The following POLE2 variants were observed in gnomAD, a reference collection of about 807,000 sequenced individuals.
The protein encoded by POLE2 is DNA polymerase epsilon subunit 2.
A neutral mutation model predicts 79.4 loss-of-function variants in POLE2; 56 were observed. That is an observed-to-expected ratio of 0.71 (90% CI 0.57 to 0.88). The LOEUF (loss-of-function observed/expected upper bound fraction) is 0.88, where lower values mean the gene tolerates loss of function less well. POLE2 is among the 40% of genes least tolerant of loss of function. The pLI, the probability that POLE2 is intolerant of heterozygous loss-of-function variation, is 0.00. For missense variants in POLE2, 598 were observed against 638.9 expected, an observed-to-expected ratio of 0.94 and a Z score of 0.69; for synonymous variants, 212 against 214.0, an observed-to-expected ratio of 0.99 and a Z score of 0.08.
chr14:49,670,243 G>A (rs1281774635), intron 5 of POLE2, among the ~76,000 whole-genome samples: 1 of 148,532 alleles, frequency 6.7e-6, no homozygotes, highest in Non-Finnish European at 1.5e-5. Context: ...TTGAATCCAG[G>A]AGGCAGAGGT....
intron 10 of POLE2, among the ~76,000 whole-genome samples, chr14:49,663,006 C>A (rs573902426): frequency 1.3e-5 from 2 of 152,296 alleles, no homozygotes; most frequent in South Asian, 4.1e-4. Context: ...GAATTATATT[C>A]TTCTAAGTGT....
At chr14:49,653,948 A>AAATG (rs1775187995) in intron 15 of POLE2, 42 bp downstream of exon 15, 6 of 1,227,826 alleles carry the variant, frequency 4.9e-6, no homozygotes, top group Non-Finnish European at 5.9e-6. Context: ...GCTAATTTTT[A>AAATG]AATGAAAGGA....
chr14:49,647,421 T>G, intron 17 of POLE2, 61 bp from the exon 18 acceptor site: 1 of 664,102 alleles, frequency 1.5e-6, no homozygotes, highest in Non-Finnish European at 2.5e-6. Flanking sequence ...ATAAATTTTT[T>G]TAAACACAAT....
chr14:49,650,277 G>C lies in POLE2; in HGVS notation c.1485C>G (p.Leu495=). 1.9e-6 allele frequency: 3 copies of C among 1,593,418 alleles called. No individual in the cohort carries two copies. The highest frequency in any genetic ancestry group is 2.3e-5 in the South Asian group (2 of 88,718). Residue 495 remains leucine (L), a synonymous_variant, in exon 17 of 19, where the codon CTC becomes CTG. Coordinates refer to ENST00000216367, the MANE Select transcript of POLE2 (RefSeq NM_002692.4). ...ACTACATTCTTACAGGGTTTATGCA[G>C]AGGCATTCGGTATTTGTCGTAGTGA... is the stretch of plus-strand genomic sequence containing the variant. The part of the protein sequence containing the change: ...DPFTTTNTEC[L]CINPGSFPRS...
Position 49,654,769 on chromosome 14 carries a change from G to C in POLE2, c.1073+15C>G. The C allele has an allele frequency of 1.3e-6, 2 of 1,482,952 alleles. No homozygotes were observed. The highest frequency in any genetic ancestry group is 5.3e-5 in the East Asian group (2 of 37,736). 91.9% of individuals were successfully genotyped at this position (1,482,952 alleles called of 1,614,324 possible). ...GTAAAACGGTGAAAAAATATATAGT[G>C]CTAGAGATCATTACCTTTGGTGAAT... On this transcript the variant is annotated intron_variant, in intron 13 of 18. Coordinates refer to ENST00000216367, the MANE Select transcript of POLE2 (RefSeq NM_002692.4).
intron 5 of POLE2, among the ~76,000 whole-genome samples, chr14:49,671,299 G>A (rs1885870596): frequency 1.3e-5 from 2 of 152,050 alleles, no homozygotes; most frequent in Admixed American, 6.6e-5. Flanking sequence ...TGCAAGGCAG[G>A]GCCAAGTCCA....
intron 6 of POLE2, among the ~76,000 whole-genome samples, chr14:49,668,632 T>C (rs746451843): frequency 6.6e-6 from 1 of 152,120 alleles, no homozygotes; most frequent in Non-Finnish European, 1.5e-5. Flanking sequence ...AATAATTATT[T>C]AGTTAAGCCT....
At chr14:49,674,813 A>G (rs1886147570) in intron 3 of POLE2, among the ~76,000 whole-genome samples, 1 of 152,012 alleles carries the variant, frequency 6.6e-6, no homozygotes, top group African/African-American at 2.4e-5. Context: ...AAATCCACTC[A>G]CCTCGGCCTC....
chr14:49,684,349 C>T (rs1284373908), intron 1 of POLE2, among the ~76,000 whole-genome samples: 1 of 151,822 alleles, frequency 6.6e-6, no homozygotes, highest in Non-Finnish European at 1.5e-5. Context: ...CCTGTAGTCC[C>T]AGATACTCGG....
At chr14:49,684,334 G>C (rs991560316) in intron 1 of POLE2, among the ~76,000 whole-genome samples, 2 of 152,006 alleles carry the variant, frequency 1.3e-5, no homozygotes, top group Non-Finnish European at 2.9e-5. Flanking sequence ...GCATGGTGGC[G>C]GGCGCCTGTA....
At chr14:49,669,492 T>A (rs1388591773) in intron 6 of POLE2, 32 bp downstream of exon 6, 1 of 1,007,486 alleles carries the variant, frequency 9.9e-7, no homozygotes, top group African/African-American at 1.6e-5. Context: ...TACACACTTA[T>A]ACCCCCTACA....
intron 10 of POLE2, among the ~76,000 whole-genome samples, chr14:49,661,049 T>C (rs963555022): frequency 6.6e-6 from 1 of 152,094 alleles, no homozygotes; most frequent in Non-Finnish European, 1.5e-5. Context: ...CTCACCCAAG[T>C]AGCTGGGACT....
At chr14:49,644,249 G>A (rs893528351) in intron 18 of POLE2, among the ~76,000 whole-genome samples, 1 of 150,686 alleles carries the variant, frequency 6.6e-6, no homozygotes, top group African/African-American at 2.4e-5. Flanking sequence ...GGTGGCTCAC[G>A]CCTATAATCC....
chr14:49,654,104 T>C (rs370456176), intron 14 of POLE2, 37 bp from the exon 15 acceptor site: 29 of 1,588,480 alleles, frequency 1.8e-5, no homozygotes, highest in East Asian at 1.6e-4. Context: ...TTTATCTTTT[T>C]AAGTTTTACA....
At chr14:49,647,787 G>A (rs541818720) in intron 17 of POLE2, among the ~76,000 whole-genome samples, 158 of 152,232 alleles carry the variant, frequency 1.0e-3, no homozygotes, top group Middle Eastern at 3.4e-3. Flanking sequence ...AATAATTCCT[G>A]TTTTTTAAAA....
intron 10 of POLE2, among the ~76,000 whole-genome samples, chr14:49,659,161 A>G (rs188949544): frequency 6.6e-6 from 1 of 152,336 alleles, no homozygotes; most frequent in East Asian, 1.9e-4. Flanking sequence ...TCATGCCTGT[A>G]ATCACAGTAC....
intron 3 of POLE2, chr14:49,677,439 T>G: frequency 2.1e-6 from 1 of 468,218 alleles, no homozygotes; most frequent in Non-Finnish European, 3.9e-6. Context: ...CCCACCACTA[T>G]CTTGCTTGGA....
intron 1 of POLE2, among the ~76,000 whole-genome samples, chr14:49,685,860 C>T (rs1250943560): frequency 6.6e-6 from 1 of 151,932 alleles, no homozygotes; most frequent in Non-Finnish European, 1.5e-5. Flanking sequence ...AATTCCTGAC[C>T]TCGTGATCCG....
At chr14:49,674,279 C>A (rs1886095500) in intron 4 of POLE2, 63 bp from the exon 5 acceptor site, 1 of 1,448,130 alleles carries the variant, frequency 6.9e-7, no homozygotes, top group Non-Finnish European at 9.7e-7. Flanking sequence ...AAAAGTGAAG[C>A]AAGAGACTAT....
Sources: gnomAD v4.1 joint callset for allele counts (sites outside exome capture counted in the v4.1 genomes callset) on GRCh38, gnomAD v4.1.1 for gene constraint, MANE v1.5 for transcripts, NCBI Gene and HGNC (gene_info 2026-07-23, HGNC 2026-07-21) for gene names.